DEPDC1B: variants seen among roughly 807,000 people sequenced by gnomAD.
DEPDC1B encodes the protein DEP domain-containing protein 1B.
A neutral mutation model predicts 66.5 loss-of-function variants in DEPDC1B; 51 were observed. That is an observed-to-expected ratio of 0.77 (90% CI 0.61 to 0.97). The LOEUF (loss-of-function observed/expected upper bound fraction) is 0.97, where lower values mean the gene tolerates loss of function less well. Among genes scored for constraint, DEPDC1B ranks in the 50% least tolerant of loss-of-function variants. DEPDC1B has a pLI of 0.00. For missense variants in DEPDC1B, 552 were observed against 637.1 expected, an observed-to-expected ratio of 0.87 and a Z score of 1.44; for synonymous variants, 226 against 223.6, an observed-to-expected ratio of 1.01 and a Z score of -0.10.
intron 3 of DEPDC1B, among the ~76,000 whole-genome samples, chr5:60,646,720 G>A (rs1047731025): frequency 2.0e-5 from 3 of 152,226 alleles, no homozygotes; most frequent in African/African-American, 4.8e-5. Flanking sequence ...GAGGAGGTAA[G>A]CGTTGGGCAA....
At chr5:60,625,089 A>C (rs1483295270) in intron 7 of DEPDC1B, among the ~76,000 whole-genome samples, 1 of 152,060 alleles carries the variant, frequency 6.6e-6, no homozygotes, top group Non-Finnish European at 1.5e-5. Context: ...CATTTTTTAT[A>C]GCTGCATAGT....
intron 7 of DEPDC1B, among the ~76,000 whole-genome samples, chr5:60,627,315 A>C (rs1371671395): frequency 6.6e-6 from 1 of 152,144 alleles, no homozygotes; most frequent in African/African-American, 2.4e-5. Flanking sequence ...TAAATTCAAA[A>C]GACATCTTCA....
At chr5:60,643,716 C>T (rs1184349309) in intron 5 of DEPDC1B, among the ~76,000 whole-genome samples, 1 of 152,198 alleles carries the variant, frequency 6.6e-6, no homozygotes, top group East Asian at 1.9e-4. Flanking sequence ...ATTTCAAAGG[C>T]TGCACTCTTC....
chr5:60,616,664 G>A (rs1292381695), intron 7 of DEPDC1B, among the ~76,000 whole-genome samples: 1 of 152,218 alleles, frequency 6.6e-6, no homozygotes. Flanking sequence ...TATCTGATTG[G>A]TGTACCTGAA....
Position 60,667,884 on chromosome 5 carries a change from T to TATATAAAA in DEPDC1B, c.314+19077_314+19078insTTTTATAT, listed in dbSNP as rs1184840468. 3.4e-5 allele frequency among the ~76,000 whole-genome samples: 3 copies of TATATAAAA among 88,258 alleles called. 1 individual carries two copies. Among genetic ancestry groups the TATATAAAA allele is most frequent in the Non-Finnish European group, 6.9e-5 (3 of 43,514 alleles). 57.9% of individuals were successfully genotyped at this position (88,258 alleles called of 152,430 possible). A position where few individuals can be genotyped will look rare whatever the true frequency, so the allele number is the denominator to read the frequency against. Reference sequence around the variant, plus strand: ...ATGTAAAAAATGGATATTTTACATATATGTAAAAAATGGATATTTTATATA... The same window carrying TATATAAAA: ...ATGTAAAAAATGGATATTTTACATATATATAAAAATGTAAAAAATGGATATTTTATATA... On this transcript the variant is annotated intron_variant, in intron 2 of 10. Coordinates refer to ENST00000265036, the MANE Select transcript of DEPDC1B (RefSeq NM_018369.3).
chr5:60,613,945 T>C (rs1013839587), intron 7 of DEPDC1B, among the ~76,000 whole-genome samples: 1 of 152,198 alleles, frequency 6.6e-6, no homozygotes, highest in Non-Finnish European at 1.5e-5. Context: ...ATCAGTTAAG[T>C]TCTTTGTACC....
At chr5:60,616,941 G>A (rs191787465) in intron 7 of DEPDC1B, among the ~76,000 whole-genome samples, 210 of 152,274 alleles carry the variant, frequency 1.4e-3, no homozygotes, top group African/African-American at 4.9e-3. Context: ...CTGATCTCTC[G>A]GCAGAAACCC....
chr5:60,695,836 G>C (rs1392161135), intron 1 of DEPDC1B, among the ~76,000 whole-genome samples: 1 of 152,022 alleles, frequency 6.6e-6, no homozygotes, highest in African/African-American at 2.4e-5. Flanking sequence ...TCTCGCTCTG[G>C]TGCCCAGGCT....
Position 60,699,906 on chromosome 5 carries a change from C to T in DEPDC1B, c.48+140G>A, listed in dbSNP as rs916216034. The stretch of plus-strand genomic sequence containing the variant: ...TGAGGCTCGTCCACTAAAAGGCAGC[C>T]CCAGTAGTCCCAGCTGAAATGCTCC... On this transcript the variant is annotated intron_variant, in intron 1 of 10. Coordinates refer to ENST00000265036, the MANE Select transcript of DEPDC1B (RefSeq NM_018369.3). 2.2e-5 allele frequency: 22 copies of T among 1,016,712 alleles called. No homozygotes were observed. The African/African-American group carries it at 3.4e-4, about 16-fold the overall frequency. The allele number at this position is 1,016,712 out of a possible 1,614,324, so 63.0% of individuals were successfully genotyped here. A position where few individuals can be genotyped will look rare whatever the true frequency, so the allele number is the denominator to read the frequency against.
At chr5:60,602,669 C>G (rs994082710) in intron 9 of DEPDC1B, among the ~76,000 whole-genome samples, 11 of 152,156 alleles carry the variant, frequency 7.2e-5, no homozygotes, top group Non-Finnish European at 1.6e-4. Flanking sequence ...ACAGCAGCAG[C>G]TACCTTTCAA....
intron 4 of DEPDC1B, among the ~76,000 whole-genome samples, 154 bp downstream of exon 4, chr5:60,645,338 T>C (rs771789768): frequency 6.6e-6 from 1 of 152,194 alleles, no homozygotes; most frequent in Non-Finnish European, 1.5e-5. Flanking sequence ...TCCCCAGAAT[T>C]CAGTTAAACT....
At chr5:60,645,762 G>T in intron 3 of DEPDC1B, 143 bp from the exon 4 acceptor site, 3 of 863,632 alleles carry the variant, frequency 3.5e-6, no homozygotes, top group Non-Finnish European at 4.9e-6. Context: ...ATAATAATTA[G>T]AAATATAAAC....
At chr5:60,647,325 A>C in intron 3 of DEPDC1B, 73 bp downstream of exon 3, 1 of 1,497,798 alleles carries the variant, frequency 6.7e-7, no homozygotes, top group African/African-American at 1.4e-5. Context: ...GGACCACAGA[A>C]AGACCAAGCC....
At chr5:60,670,587 G>A (rs915180867) in intron 2 of DEPDC1B, among the ~76,000 whole-genome samples, 1 of 152,162 alleles carries the variant, frequency 6.6e-6, no homozygotes, top group Non-Finnish European at 1.5e-5. Flanking sequence ...AAAGTTGGAG[G>A]ACTCACATTA....
chr5:60,612,931 G>T (rs1752453128), intron 7 of DEPDC1B, among the ~76,000 whole-genome samples: 1 of 152,162 alleles, frequency 6.6e-6, no homozygotes, highest in East Asian at 1.9e-4. Context: ...TAAAATAAAA[G>T]TGTGACAGCT....
intron 7 of DEPDC1B, among the ~76,000 whole-genome samples, chr5:60,607,591 C>A (rs1303545469): frequency 6.6e-6 from 1 of 151,792 alleles, no homozygotes; most frequent in East Asian, 1.9e-4. Context: ...AGATAAAAAG[C>A]AAAAAGATAT....
intron 2 of DEPDC1B, among the ~76,000 whole-genome samples, chr5:60,657,827 A>C (rs1753613262): frequency 6.6e-6 from 1 of 152,130 alleles, no homozygotes; most frequent in Non-Finnish European, 1.5e-5. Context: ...TTGTATTTGG[A>C]TGTCTAGATC....
intron 4 of DEPDC1B, 107 bp downstream of exon 4, chr5:60,645,385 G>A: frequency 8.8e-7 from 1 of 1,136,958 alleles, no homozygotes; most frequent in Non-Finnish European, 1.2e-6. Context: ...ATGCAAAGTT[G>A]AGATTTTTAT....
rs1408296883 is a variant in DEPDC1B, at chr5:60,640,678, C to T, written c.758-1788G>A. The stretch of plus-strand genomic sequence containing the variant: ...ATGAATGTATACAGGCCCATGTGCA[C>T]ACGGGTGTGACAATAAACACAGATG... On this transcript the variant is annotated intron_variant, in intron 6 of 10. Coordinates refer to ENST00000265036, the MANE Select transcript of DEPDC1B (RefSeq NM_018369.3). 5.3e-5 allele frequency among the ~76,000 whole-genome samples: 8 copies of T among 152,140 alleles called. No individual in the cohort carries two copies. In the East Asian group the frequency reaches 1.5e-3, roughly 29 times the overall value.
Sources: allele counts gnomAD v4.1 joint callset (sites outside exome capture counted in the v4.1 genomes callset), GRCh38; gene constraint gnomAD v4.1.1; transcripts MANE v1.5; gene names NCBI Gene and HGNC (gene_info 2026-07-23, HGNC 2026-07-21).